Variants in MECOM observed in about 807,000 individuals in gnomAD.
The protein encoded by MECOM is MDS1 and EVI1 complex locus.
Under a neutral mutation model 116.3 loss-of-function variants are expected in MECOM, and 13 were observed. The ratio of observed to expected loss-of-function variants is 0.11; its 90% confidence interval spans 0.07 to 0.18. The LOEUF is 0.18. Ranked by LOEUF, MECOM falls within the 10% of genes least tolerant of loss-of-function variation. The probability of loss-of-function intolerance (pLI) is 1.00; values close to 1 mark genes in which losing one functional copy is unlikely to be tolerated. For missense variants in MECOM, 1,299 were observed against 1,509.0 expected (o/e 0.86, Z 2.31); for synonymous variants, 528 against 535.2 (o/e 0.99, Z 0.19).
chr3:169,357,134 C>T (rs1277920460), intron 2 of MECOM, among the ~76,000 whole-genome samples: 1 of 151,784 alleles, frequency 6.6e-6, no homozygotes, highest in Non-Finnish European at 1.5e-5. Context: ...CTTACCAATA[C>T]CCACTAGTAA....
At chr3:169,380,145 T>C (rs1286166355) in intron 2 of MECOM, among the ~76,000 whole-genome samples, 1 of 152,160 alleles carries the variant, frequency 6.6e-6, no homozygotes, top group Non-Finnish European at 1.5e-5. Context: ...TATTCATTTC[T>C]ATTTAAAAGC....
chr3:169,171,395 C>T (rs939895417), intron 2 of MECOM, among the ~76,000 whole-genome samples: 2 of 152,004 alleles, frequency 1.3e-5, no homozygotes, highest in Non-Finnish European at 2.9e-5. Flanking sequence ...GGACCCTTGG[C>T]GTTATGTCTC....
intron 1 of MECOM, among the ~76,000 whole-genome samples, chr3:169,646,417 C>A (rs1329570273): frequency 6.6e-6 from 1 of 151,760 alleles, no homozygotes; most frequent in African/African-American, 2.4e-5. Flanking sequence ...ACATATGTAA[C>A]AAAACTGCAC....
intron 1 of MECOM, among the ~76,000 whole-genome samples, chr3:169,485,933 G>GTA (rs1560340263): frequency 1.0e-5 from 1 of 100,272 alleles, no homozygotes; most frequent in African/African-American, 4.3e-5. Flanking sequence ...AGTATATATA[G>GTA]TATATATGTA....
rs565155858 is a variant in MECOM, at chr3:169,155,122, A to G, written c.376-11290T>C. Among the ~76,000 whole-genome samples, 2 of 152,324 alleles carry G rather than the reference A, an allele frequency of 1.3e-5. 1 individual carries two copies. The highest frequency in any genetic ancestry group is 4.1e-4 in the South Asian group (2 of 4,830). On this transcript the variant is annotated intron_variant, in intron 2 of 16. Transcript: ENST00000651503. Reference sequence around the variant, plus strand: ...TGTCTTTGAGACTTTTTGTAAGAATAAATTAATTATGGCTAAATGTATGGG... The same window carrying G: ...TGTCTTTGAGACTTTTTGTAAGAATGAATTAATTATGGCTAAATGTATGGG...
At chr3:169,553,939 A>G (rs562960307) in intron 1 of MECOM, among the ~76,000 whole-genome samples, 1 of 152,168 alleles carries the variant, frequency 6.6e-6, no homozygotes, top group Non-Finnish European at 1.5e-5. Context: ...TTCTGAGAGT[A>G]CTGGAGGTTA....
intron 1 of MECOM, among the ~76,000 whole-genome samples, chr3:169,503,338 A>G (rs1265845457): frequency 6.6e-6 from 1 of 152,206 alleles, no homozygotes; most frequent in East Asian, 1.9e-4. Flanking sequence ...GGACTCTATG[A>G]CAACTAGAAC....
At position 169,116,225 on chromosome 3, in the gene MECOM, T is replaced by C. The variant is rs894066295; in HGVS notation, c.1647A>G (p.Pro549=). ...QDILKALSKH[P]SVGDNKPVEL... ...CCACTGGCTTATTGTCCCCTACAGA[T>C]GGGTGTTTAGATAGTGCCTTCAAAA... The change falls in exon 8 of 17, where the codon CCA becomes CCG. Residue 549 remains proline, a synonymous_variant. Transcript: ENST00000651503. 6.2e-6 allele frequency: 10 copies of C among 1,614,018 alleles called. No individual in the cohort carries two copies. In the Admixed American group the frequency reaches 1.5e-4, roughly 24 times the overall value.
intron 2 of MECOM, among the ~76,000 whole-genome samples, chr3:169,212,452 T>TAA: frequency 7.9e-6 from 1 of 125,832 alleles, no homozygotes; most frequent in East Asian, 2.2e-4. Flanking sequence ...AGGGAGAAGG[T>TAA]AAAAAAAAAA....
intron 1 of MECOM, among the ~76,000 whole-genome samples, chr3:169,460,954 T>A (rs889950861): frequency 2.6e-5 from 4 of 152,208 alleles, no homozygotes; most frequent in African/African-American, 9.6e-5. Context: ...AGGGCCTTTT[T>A]GGAAAATAAT....
At chr3:169,390,195 C>G (rs909194947) in intron 1 of MECOM, among the ~76,000 whole-genome samples, 10 of 152,136 alleles carry the variant, frequency 6.6e-5, no homozygotes, top group African/African-American at 2.4e-4. Context: ...CCATTCCACT[C>G]AAGCAATCCC....
intron 2 of MECOM, among the ~76,000 whole-genome samples, chr3:169,210,056 A>G (rs1252242536): frequency 6.6e-6 from 1 of 152,174 alleles, no homozygotes; most frequent in African/African-American, 2.4e-5. Context: ...CTTTGCAGGG[A>G]CATGGATGAA....
At chr3:169,647,765 T>G (rs1399977197) in intron 1 of MECOM, among the ~76,000 whole-genome samples, 1 of 152,200 alleles carries the variant, frequency 6.6e-6, no homozygotes, top group East Asian at 1.9e-4. Flanking sequence ...TGTCATCTTA[T>G]GTTAGCATTG....
chr3:169,434,332 G>A (rs975416783), intron 1 of MECOM, among the ~76,000 whole-genome samples: 1 of 151,908 alleles, frequency 6.6e-6, no homozygotes, highest in Non-Finnish European at 1.5e-5. Flanking sequence ...ACTCTCCTTG[G>A]GTGCCTACCA....
chr3:169,348,754 A>G (rs1375645230), intron 2 of MECOM, among the ~76,000 whole-genome samples: 1 of 152,050 alleles, frequency 6.6e-6, no homozygotes, highest in African/African-American at 2.4e-5. Flanking sequence ...TTTTATTTGC[A>G]ATCATTTCAA....
intron 1 of MECOM, among the ~76,000 whole-genome samples, chr3:169,397,056 A>G (rs1306840494): frequency 6.6e-6 from 1 of 152,198 alleles, no homozygotes; most frequent in African/African-American, 2.4e-5. Flanking sequence ...ACAAATGCCA[A>G]AAGTTATTAA....
At chr3:169,602,927 A>G (rs1767996014) in intron 1 of MECOM, among the ~76,000 whole-genome samples, 1 of 152,222 alleles carries the variant, frequency 6.6e-6, no homozygotes, top group African/African-American at 2.4e-5. Flanking sequence ...ATATGTGGTG[A>G]ATAAGTTCAC....
In MECOM at chr3:169,404,111, G is replaced by A. The variant is rs555368890; in HGVS notation, c.38-22587C>T. ...CAGTCTGGCTCTGAGATCATATTGC[G>A]ATAAATGCTTTTCTATAGAACTAGA... On this transcript the variant is annotated intron_variant, in intron 1 of 16. Coordinates refer to ENST00000651503, the MANE Select transcript of MECOM (RefSeq NM_004991.4). Among the ~76,000 whole-genome samples the A allele has an allele frequency of 6.6e-5, 10 of 152,230 alleles. No individual in the cohort carries two copies. The East Asian group carries it at 1.5e-3, about 23-fold the overall frequency.
At chr3:169,510,503 T>C (rs1368112203) in intron 1 of MECOM, among the ~76,000 whole-genome samples, 3 of 152,226 alleles carry the variant, frequency 2.0e-5, no homozygotes, top group African/African-American at 7.2e-5. Flanking sequence ...TAGAACACAA[T>C]GCGAGCTGAC....
Sources: allele counts gnomAD v4.1 joint callset (sites outside exome capture counted in the v4.1 genomes callset), GRCh38; gene constraint gnomAD v4.1.1; transcripts MANE v1.5; gene names NCBI Gene and HGNC (gene_info 2026-07-23, HGNC 2026-07-21).